The following RASGRP3 variants were observed in gnomAD, a reference collection of about 807,000 sequenced individuals.
The protein encoded by RASGRP3 is RAS guanyl releasing protein 3, also known as ras guanyl-releasing protein 3.
Under a neutral mutation model 82.7 loss-of-function variants are expected in RASGRP3, and 54 were observed. The ratio of observed to expected loss-of-function variants is 0.65; its 90% CI spans 0.52 to 0.82. The LOEUF is 0.82. Among genes scored for constraint, RASGRP3 ranks in the 40% least tolerant of loss-of-function variants. The pLI is 0.00. For synonymous variants in RASGRP3, 309 were observed against 300.5 expected, an observed-to-expected ratio of 1.03 and a Z score of -0.29; for missense variants, 861 against 828.9, an observed-to-expected ratio of 1.04 and a Z score of -0.48.
In RASGRP3 at chr2:33,559,015, C is replaced by G. The variant is rs1388687137; in HGVS notation, c.2049C>G (p.Thr683=). The change falls in exon 17 of 18, where the codon ACC becomes ACG. Residue 683 remains threonine (T), a synonymous_variant. Transcript: ENST00000403687. ...FELDQDEGEE[T]RQDGEDG ...TTGACCAGGATGAAGGAGAAGAGAC[C>G]AGACAGGATGGTGAGGTAAGTGCTA... is the stretch of plus-strand genomic sequence containing the variant. The G allele has an allele frequency of 6.2e-7, 1 of 1,607,726 alleles. No homozygotes were observed.
At chr2:33,498,787 G>A (rs529980793) in intron 1 of RASGRP3, among the ~76,000 whole-genome samples, 7 of 151,858 alleles carry the variant, frequency 4.6e-5, no homozygotes, top group East Asian at 1.9e-4. Context: ...CAACACTTTC[G>A]TAATGCCCCT....
At chr2:33,461,339 C>T (rs1318698249) in intron 2 of RASGRP3, among the ~76,000 whole-genome samples, 2 of 152,184 alleles carry the variant, frequency 1.3e-5, no homozygotes, top group African/African-American at 2.4e-5. Flanking sequence ...AGTGCAGTGG[C>T]ACGATCTCTA....
At chr2:33,546,162 G>A (rs970385946) in intron 13 of RASGRP3, among the ~76,000 whole-genome samples, 23 of 151,332 alleles carry the variant, frequency 1.5e-4, no homozygotes, top group African/African-American at 5.1e-4. Context: ...TGTGGCCCAC[G>A]CCTGTAATCC....
intron 2 of RASGRP3, among the ~76,000 whole-genome samples, chr2:33,449,772 ATATT>A (rs1418763330): frequency 6.6e-6 from 1 of 152,190 alleles, no homozygotes; most frequent in Non-Finnish European, 1.5e-5. Context: ...AAAAAAAGGA[ATATT>A]TATTACAGTG....
At chr2:33,441,291 A>G (rs1054164728) in intron 1 of RASGRP3, among the ~76,000 whole-genome samples, 5 of 149,808 alleles carry the variant, frequency 3.3e-5, no homozygotes, top group Non-Finnish European at 7.4e-5. Context: ...CCACTGTTTC[A>G]TTCTGTATCT....
intron 6 of RASGRP3, among the ~76,000 whole-genome samples, chr2:33,520,951 G>C (rs1469066776): frequency 2.0e-5 from 3 of 152,182 alleles, no homozygotes; most frequent in African/African-American, 7.2e-5. Flanking sequence ...CACATGAAAG[G>C]ATTTGGCATG....
chr2:33,442,340 G>A (rs1380799285), intron 1 of RASGRP3, among the ~76,000 whole-genome samples: 1 of 152,326 alleles, frequency 6.6e-6, no homozygotes, highest in Non-Finnish European at 1.5e-5. Context: ...CTCCAGCCTG[G>A]GTGACAGAGC....
In RASGRP3 at chr2:33,469,075, C is replaced by T. The variant is rs191523125; in HGVS notation, c.-261+21132C>T. ...TTATAGATAATAAATTGTATCTTATCGTTGTTTAATGTATACTCCTTTTTT... is the reference window on the plus strand; with the variant it reads ...TTATAGATAATAAATTGTATCTTATTGTTGTTTAATGTATACTCCTTTTTT... On this transcript the variant is annotated intron_variant, in intron 2 of 18. Transcript: ENST00000402538. 3.2e-4 allele frequency among the ~76,000 whole-genome samples: 49 copies of T among 152,160 alleles called. 1 individual carries two copies. The highest frequency in any genetic ancestry group is 2.7e-3 in the Admixed American group (41 of 15,268).
At chr2:33,505,886 T>TGC (rs1670327348) in intron 1 of RASGRP3, among the ~76,000 whole-genome samples, 1 of 152,202 alleles carries the variant, frequency 6.6e-6, no homozygotes, top group East Asian at 1.9e-4. Context: ...GCTAGGAGAA[T>TGC]ACCCCCTTGG....
In RASGRP3 at chr2:33,557,982, G is replaced by T. The variant is rs141596065; in HGVS notation, c.1580-229G>T. 1.1e-4 allele frequency among the ~76,000 whole-genome samples: 17 copies of T among 152,182 alleles called. No individual in the cohort carries two copies. In the East Asian group the frequency reaches 3.1e-3, roughly 28 times the overall value. The stretch of plus-strand genomic sequence containing the variant: ...CTCATTAGGTCCTCAATTGCATACA[G>T]AACCAAGCTGAGCAAATCTAAGAGA... On this transcript the variant is annotated intron_variant, in intron 15 of 17. Transcript: ENST00000403687.
chr2:33,510,983 G>C (rs1281756234), intron 1 of RASGRP3, among the ~76,000 whole-genome samples: 3 of 152,154 alleles, frequency 2.0e-5, no homozygotes, highest in African/African-American at 4.8e-5. Flanking sequence ...TTTGACAATA[G>C]AGGCTTCACA....
At chr2:33,459,740 G>T (rs1211919923) in intron 2 of RASGRP3, among the ~76,000 whole-genome samples, 1 of 152,166 alleles carries the variant, frequency 6.6e-6, no homozygotes, top group Non-Finnish European at 1.5e-5. Flanking sequence ...ATGCAATGAA[G>T]CCAGCTGTGT....
rs887386742 is a variant in RASGRP3, at chr2:33,563,617, T to C, written c.*880T>C. ...TAACATTTAGCAGAAAAACAAACCATTGAATAAGCTACTAGGTGAAATGCA... is the reference window on the plus strand; with the variant it reads ...TAACATTTAGCAGAAAAACAAACCACTGAATAAGCTACTAGGTGAAATGCA... On this transcript the variant is annotated 3_prime_UTR_variant, in exon 18 of 18. Transcript: ENST00000403687. 6 of 152,062 alleles carry C rather than the reference T, an allele frequency of 3.9e-5. No individual in the cohort carries two copies. The highest frequency in any genetic ancestry group is 7.2e-5 in the African/African-American group (3 of 41,418). The allele number at this position is 152,062 out of a possible 1,614,324, so 9.4% of individuals were successfully genotyped here.
chr2:33,464,348 G>A (rs868331778), intron 2 of RASGRP3, among the ~76,000 whole-genome samples: 7 of 150,898 alleles, frequency 4.6e-5, no homozygotes, highest in African/African-American at 1.7e-4. Flanking sequence ...TTGAACTCCT[G>A]AGCTCAGGCA....
chr2:33,544,283 C>G (rs1344167139), intron 13 of RASGRP3, among the ~76,000 whole-genome samples: 1 of 151,696 alleles, frequency 6.6e-6, no homozygotes, highest in Non-Finnish European at 1.5e-5. Context: ...CATTGCACCC[C>G]AGTCTGGGTG....
intron 13 of RASGRP3, among the ~76,000 whole-genome samples, chr2:33,546,292 G>A (rs113058337): frequency 9.9e-5 from 15 of 151,886 alleles, no homozygotes; most frequent in East Asian, 3.9e-4. Flanking sequence ...GCTTGGTGGC[G>A]GGCCCCTGTA....
intron 13 of RASGRP3, among the ~76,000 whole-genome samples, chr2:33,549,072 G>T (rs148839928): frequency 3.3e-5 from 5 of 152,276 alleles, no homozygotes. Context: ...GGTTTGTTCT[G>T]TGTGGAGTAG....
At chr2:33,560,237 C>G (rs1676497858) in intron 17 of RASGRP3, among the ~76,000 whole-genome samples, 1 of 152,176 alleles carries the variant, frequency 6.6e-6, no homozygotes, top group Non-Finnish European at 1.5e-5. Flanking sequence ...TCTCCCCCAA[C>G]TCACCCCAGC....
chr2:33,550,013 A>G (rs1467455834), intron 14 of RASGRP3, among the ~76,000 whole-genome samples: 1 of 152,194 alleles, frequency 6.6e-6, no homozygotes, highest in Non-Finnish European at 1.5e-5. Context: ...CTGCCAGGGA[A>G]AAGTGTCAGC....
Sources: allele counts gnomAD v4.1 joint callset (sites outside exome capture counted in the v4.1 genomes callset), GRCh38; gene constraint gnomAD v4.1.1; transcripts MANE v1.5; gene names NCBI Gene and HGNC (gene_info 2026-07-23, HGNC 2026-07-21).